The following FHIT variants were observed in gnomAD, a reference collection of about 807,000 sequenced individuals.
The protein encoded by FHIT is bis(5'-adenosyl)-triphosphatase.
In FHIT, 19 loss-of-function variants were observed where a neutral mutation model predicts 17.9. The ratio of observed to expected loss-of-function variants is 1.06; its 90% CI spans 0.74 to 1.56. FHIT has a LOEUF of 1.56. Among genes scored for constraint, FHIT ranks in the 40% most tolerant of loss-of-function variants. The pLI is 0.00. For synonymous variants in FHIT, 81 were observed against 69.7 expected (o/e 1.16, Z -0.81); for missense variants, 248 against 189.2 (o/e 1.31, Z -1.82).
chr3:59,852,602 A>G (rs1327881685), intron 8 of FHIT, among the ~76,000 whole-genome samples: 2 of 152,154 alleles, frequency 1.3e-5, no homozygotes, highest in East Asian at 3.9e-4. Context: ...TAAATGTATA[A>G]TGGCATGTAT....
intron 5 of FHIT, among the ~76,000 whole-genome samples, chr3:60,494,140 C>G (rs1055680495): frequency 6.6e-6 from 1 of 152,114 alleles, no homozygotes; most frequent in African/African-American, 2.4e-5. Flanking sequence ...GCAACTTTCA[C>G]CATATCTGTT....
At chr3:60,307,775 T>C (rs1287843080) in intron 5 of FHIT, among the ~76,000 whole-genome samples, 2 of 152,166 alleles carry the variant, frequency 1.3e-5, no homozygotes, top group African/African-American at 4.8e-5. Context: ...GTTTCCCTAC[T>C]ATGATGATCC....
At chr3:59,857,476 C>T (rs1333541592) in intron 8 of FHIT, among the ~76,000 whole-genome samples, 1 of 151,968 alleles carries the variant, frequency 6.6e-6, no homozygotes, top group Non-Finnish European at 1.5e-5. Context: ...AGTTTTATTC[C>T]ACCAGGTTAT....
chr3:60,938,026 G>A (rs1188012530), intron 3 of FHIT, among the ~76,000 whole-genome samples: 7 of 152,134 alleles, frequency 4.6e-5, no homozygotes, highest in African/African-American at 1.7e-4. Context: ...CCAAAGCAGA[G>A]GGCCCTTTGC....
chr3:60,994,627 G>C (rs1051874993), intron 3 of FHIT, among the ~76,000 whole-genome samples: 1 of 152,174 alleles, frequency 6.6e-6, no homozygotes, highest in Non-Finnish European at 1.5e-5. Flanking sequence ...CATTGGGCAC[G>C]GTTGGGAATA....
intron 3 of FHIT, among the ~76,000 whole-genome samples, chr3:61,011,434 A>G (rs1384625449): frequency 6.6e-6 from 1 of 152,160 alleles, no homozygotes; most frequent in Non-Finnish European, 1.5e-5. Context: ...ACCAATATGA[A>G]TATCAGTTAT....
intron 7 of FHIT, among the ~76,000 whole-genome samples, chr3:59,998,227 C>T (rs746317631): frequency 5.9e-5 from 9 of 152,094 alleles, no homozygotes; most frequent in Non-Finnish European, 1.0e-4. Context: ...AGGCCAGGGC[C>T]GCAGATGAAG....
At chr3:61,187,675 T>C (rs1344214049) in intron 2 of FHIT, among the ~76,000 whole-genome samples, 2 of 152,162 alleles carry the variant, frequency 1.3e-5, no homozygotes, top group African/African-American at 4.8e-5. Flanking sequence ...GACCACATAG[T>C]TGGAAGTAAA....
chr3:60,448,096 T>C (rs1308570423), intron 5 of FHIT, among the ~76,000 whole-genome samples: 1 of 152,194 alleles, frequency 6.6e-6, no homozygotes, highest in South Asian at 2.1e-4. Flanking sequence ...TGGAAGGGAC[T>C]GTCCATGGTG....
intron 7 of FHIT, among the ~76,000 whole-genome samples, chr3:60,005,863 T>C (rs1462906700): frequency 6.6e-6 from 1 of 152,162 alleles, no homozygotes; most frequent in African/African-American, 2.4e-5. Context: ...TAAGGCTTTC[T>C]CTCTTTCTGT....
intron 5 of FHIT, among the ~76,000 whole-genome samples, chr3:60,375,558 C>T (rs940910131): frequency 1.3e-5 from 2 of 151,934 alleles, no homozygotes; most frequent in Non-Finnish European, 2.9e-5. Context: ...CTGGGTGACA[C>T]GGTGAGTGAG....
At chr3:60,514,759 G>T (rs2035086476) in intron 5 of FHIT, among the ~76,000 whole-genome samples, 1 of 152,090 alleles carries the variant, frequency 6.6e-6, no homozygotes, top group African/African-American at 2.4e-5. Context: ...AGACAACCTA[G>T]AAGTCTCTGA....
chr3:60,225,796 C>A (rs909817023), intron 5 of FHIT, among the ~76,000 whole-genome samples: 4 of 152,122 alleles, frequency 2.6e-5, no homozygotes, highest in African/African-American at 9.7e-5. Flanking sequence ...AATAGATGAC[C>A]TCAGGACAGC....
At chr3:60,177,584 T>C (rs769430574) in intron 5 of FHIT, among the ~76,000 whole-genome samples, 20 of 152,178 alleles carry the variant, frequency 1.3e-4, no homozygotes, top group Non-Finnish European at 2.5e-4. Context: ...TAATACACCA[T>C]GGAGAAAGGT....
intron 4 of FHIT, among the ~76,000 whole-genome samples, chr3:60,545,399 T>G (rs1006009925): frequency 2.9e-4 from 44 of 152,186 alleles, no homozygotes; most frequent in African/African-American, 1.0e-3. Flanking sequence ...CTTTATTGTT[T>G]CTTTGGATTT....
At chr3:61,017,585 T>C (rs1460685972) in intron 3 of FHIT, among the ~76,000 whole-genome samples, 1 of 152,214 alleles carries the variant, frequency 6.6e-6, no homozygotes, top group Non-Finnish European at 1.5e-5. Flanking sequence ...ATTAGGGACA[T>C]ATCTGTGCTC....
intron 3 of FHIT, among the ~76,000 whole-genome samples, chr3:60,901,541 T>C (rs1165583678): frequency 6.6e-6 from 1 of 152,180 alleles, no homozygotes; most frequent in Non-Finnish European, 1.5e-5. Context: ...AAATAAACAT[T>C]GACGGCAAAA....
rs1010314990 is a variant in FHIT, at chr3:60,885,018, A to G, written c.-110-63007T>C. On this transcript the variant is annotated intron_variant, in intron 3 of 9. Coordinates refer to ENST00000492590, the MANE Select transcript of FHIT (RefSeq NM_002012.4). Reference sequence around the variant, plus strand: ...AAAGTGTGGATCTCATGGAGGTAGAAAGTTGATGGGTGCTACTAGAGCCTG... The same window carrying G: ...AAAGTGTGGATCTCATGGAGGTAGAGAGTTGATGGGTGCTACTAGAGCCTG... Among the ~76,000 whole-genome samples the G allele has an allele frequency of 1.6e-4, 23 of 142,182 alleles. No homozygotes were observed. In the South Asian group the frequency reaches 5.1e-3, roughly 31 times the overall value. 93.3% of individuals were successfully genotyped at this position (142,182 alleles called of 152,430 possible).
At chr3:60,268,280 T>C (rs1049356208) in intron 5 of FHIT, among the ~76,000 whole-genome samples, 1 of 152,204 alleles carries the variant, frequency 6.6e-6, no homozygotes, top group Non-Finnish European at 1.5e-5. Context: ...TGATGTACTG[T>C]TGGGATAATT....
Sources: allele counts gnomAD v4.1 joint callset (sites outside exome capture counted in the v4.1 genomes callset), GRCh38; gene constraint gnomAD v4.1.1; transcripts MANE v1.5; gene names NCBI Gene and HGNC (gene_info 2026-07-23, HGNC 2026-07-21).